Variants in ST7 observed in about 807,000 individuals in gnomAD.
ST7 encodes the protein suppression of tumorigenicity 7.
ST7 carries 28 observed loss-of-function variants against 78.7 expected under a neutral mutation model. The observed-to-expected ratio is 0.36, with a 90% confidence interval of 0.26 to 0.49. ST7 has a LOEUF of 0.49. ST7 is among the 20% of genes least tolerant of loss of function. The pLI is 0.99. For synonymous variants in ST7, 247 were observed against 249.6 expected, an observed-to-expected ratio of 0.99 and a Z score of 0.10; for missense variants, 418 against 696.0, an observed-to-expected ratio of 0.60 and a Z score of 4.49.
chr7:116,961,555 C>CATGT (rs1491533189), intron 1 of ST7, among the ~76,000 whole-genome samples: 1 of 138,432 alleles, frequency 7.2e-6, no homozygotes, highest in Non-Finnish European at 1.6e-5. Context: ...TGTATTCCTA[C>CATGT]GTGTGTGTGT....
chr7:117,199,805 G>A (rs1458579231), intron 12 of ST7, among the ~76,000 whole-genome samples: 4 of 152,220 alleles, frequency 2.6e-5, no homozygotes, highest in Non-Finnish European at 2.9e-5. Flanking sequence ...CCACTGGAAC[G>A]AGGCAACCAG....
intron 9 of ST7, among the ~76,000 whole-genome samples, chr7:117,161,099 TG>T (rs1243575558): frequency 2.0e-5 from 3 of 146,738 alleles, no homozygotes; most frequent in Non-Finnish European, 2.9e-5. Context: ...AGGACACTGT[TG>T]TTTTTTTTTT....
chr7:117,094,647 G>C (rs1002927990), intron 1 of ST7, among the ~76,000 whole-genome samples: 8 of 152,176 alleles, frequency 5.3e-5, no homozygotes, highest in Non-Finnish European at 1.0e-4. Context: ...CCTCAGAGCA[G>C]TTCTGGGAAA....
rs38875 is a variant in ST7 at position 117,181,723 on chromosome 7, A to T, written c.1079-7598A>T. Among the ~76,000 whole-genome samples the T allele has an allele frequency of 5.7e-4, 86 of 151,998 alleles. 1 individual carries two copies. Among genetic ancestry groups the T allele is most frequent in the Non-Finnish European group, 1.1e-3 (77 of 68,006 alleles). On this transcript the variant is annotated intron_variant, in intron 10 of 15. Coordinates refer to ENST00000323984, the MANE Select transcript of ST7 (RefSeq NM_001369598.1). ...GTGGTTTTTGACCACAGGAAAAAAG[A>T]TGGTGATTGGGGATCTAACAATAGA...
chr7:117,098,782 G>C, intron 1 of ST7: 1 of 1,301,414 alleles, frequency 7.7e-7, no homozygotes, highest in South Asian at 1.2e-5. Context: ...AACAGATTCA[G>C]TAAAGAAATG....
chr7:117,191,626 C>A (rs1809794274), intron 12 of ST7: 1 of 152,088 alleles, frequency 6.6e-6, no homozygotes, highest in Non-Finnish European at 1.5e-5. Flanking sequence ...TAACTCCCTG[C>A]TCTTTTAGTA....
At chr7:117,157,533 C>T (rs1051147565) in intron 9 of ST7, among the ~76,000 whole-genome samples, 4 of 152,204 alleles carry the variant, frequency 2.6e-5, no homozygotes, top group African/African-American at 9.6e-5. Flanking sequence ...TAACTTTCAG[C>T]ATGACCCTGT....
At chr7:117,172,682 A>G (rs1173559950) in intron 10 of ST7, among the ~76,000 whole-genome samples, 5 of 152,228 alleles carry the variant, frequency 3.3e-5, no homozygotes, top group African/African-American at 1.2e-4. Flanking sequence ...GTATGTTGAC[A>G]TTCTTTTAGT....
intron 1 of ST7, among the ~76,000 whole-genome samples, chr7:117,048,597 C>A (rs866016512): frequency 6.6e-6 from 1 of 152,138 alleles, no homozygotes; most frequent in Non-Finnish European, 1.5e-5. Flanking sequence ...TTTACCCACC[C>A]CACCCCACCT....
At chr7:117,155,610 C>G (rs1267468959) in intron 9 of ST7, among the ~76,000 whole-genome samples, 1 of 152,162 alleles carries the variant, frequency 6.6e-6, no homozygotes, top group Non-Finnish European at 1.5e-5. Context: ...TCATAGGCCT[C>G]CCCTTGGTTT....
At chr7:116,986,394 A>G (rs1794192151) in intron 1 of ST7, among the ~76,000 whole-genome samples, 2 of 152,224 alleles carry the variant, frequency 1.3e-5, no homozygotes. Context: ...GGAAAAGTGA[A>G]AAATTTTCAG....
intron 9 of ST7, among the ~76,000 whole-genome samples, chr7:117,162,770 G>C (rs1807257602): frequency 2.0e-5 from 3 of 152,054 alleles, no homozygotes; most frequent in African/African-American, 7.2e-5. Context: ...CCAGGAGTTG[G>C]CACTCTTAAG....
At chr7:116,998,393 C>T (rs887118976) in intron 1 of ST7, among the ~76,000 whole-genome samples, 16 of 152,342 alleles carry the variant, frequency 1.1e-4, no homozygotes, top group South Asian at 6.2e-4. Context: ...CACACCTCCC[C>T]GCAAGCCGAG....
chr7:117,163,149 A>T (rs1807285493), intron 9 of ST7, among the ~76,000 whole-genome samples: 1 of 152,158 alleles, frequency 6.6e-6, no homozygotes, highest in Admixed American at 6.5e-5. Context: ...TTGTGTGTAT[A>T]TGCCATGCTT....
chr7:117,023,552 T>C (rs915062475), intron 1 of ST7, among the ~76,000 whole-genome samples: 1 of 152,184 alleles, frequency 6.6e-6, no homozygotes, highest in Non-Finnish European at 1.5e-5. Flanking sequence ...AAGTATAGCT[T>C]CTGTAACTCC....
In ST7 at chr7:117,045,958, T is replaced by C. The variant is rs78703227; in HGVS notation, c.152-53804T>C. ...CCCAGTGGTGAAAGCAACCAGCATG[T>C]GTTGAGCAGTTGTTTTATACCAGAT... is the stretch of plus-strand genomic sequence containing the variant. On this transcript the variant is annotated intron_variant, in intron 1 of 15. Coordinates refer to ENST00000323984, the MANE Select transcript of ST7 (RefSeq NM_001369598.1). Among the ~76,000 whole-genome samples the C allele has an allele frequency of 5.1e-3, 778 of 152,330 alleles. 6 individuals carry two copies. The highest frequency in any genetic ancestry group is 0.018 in the African/African-American group (738 of 41,564).
intron 9 of ST7, among the ~76,000 whole-genome samples, chr7:117,159,623 C>T (rs1022631871): frequency 1.8e-4 from 27 of 152,110 alleles, no homozygotes; most frequent in African/African-American, 6.0e-4. Flanking sequence ...GGACTGTGGT[C>T]TTTTTGTAAT....
At chr7:117,087,246 A>G (rs189399879) in intron 1 of ST7, among the ~76,000 whole-genome samples, 1 of 152,348 alleles carries the variant, frequency 6.6e-6, no homozygotes, top group East Asian at 1.9e-4. Context: ...GGGTTTCAAA[A>G]CAAAGCAAGT....
At chr7:117,028,619 A>T (rs1302735696) in intron 1 of ST7, among the ~76,000 whole-genome samples, 1 of 152,184 alleles carries the variant, frequency 6.6e-6, no homozygotes, top group African/African-American at 2.4e-5. Flanking sequence ...TGGTATAATG[A>T]TGTTTCAGTT....
Sources: gnomAD v4.1 joint callset for allele counts (sites outside exome capture counted in the v4.1 genomes callset) on GRCh38, gnomAD v4.1.1 for gene constraint, MANE v1.5 for transcripts, NCBI Gene and HGNC (gene_info 2026-07-23, HGNC 2026-07-21) for gene names.